Variants in PPP6R3 observed in about 807,000 individuals in gnomAD.
PPP6R3 encodes the protein serine/threonine-protein phosphatase 6 regulatory subunit 3.
A neutral mutation model predicts 110.7 loss-of-function variants in PPP6R3; 38 were observed. That is an observed-to-expected ratio of 0.34 (90% CI 0.26 to 0.45). The LOEUF (loss-of-function observed/expected upper bound fraction) is 0.45. PPP6R3 is among the 20% of genes least tolerant of loss of function. The pLI is 1.00. For synonymous variants in PPP6R3, 369 were observed against 373.5 expected (o/e 0.99, Z 0.14); for missense variants, 870 against 1,062.4 (o/e 0.82, Z 2.52).
chr11:68,544,992 C>A lies in PPP6R3; in HGVS notation c.382C>A (p.Leu128Ile). ...ACTTGCCAGTTTCTTCAGCAAGGTGCTAAGTATTCTTATCAGCAGAAAACC... is the reference window on the plus strand; with the variant it reads ...ACTTGCCAGTTTCTTCAGCAAGGTGATAAGTATTCTTATCAGCAGAAAACC... ...PLLASFFSKV[L>I]SILISRKPEQ... is the part of the protein sequence containing the mutation. Residue 128 changes from leucine (L) to isoleucine (I), a missense_variant, in exon 4 of 24, where the codon CTA (leucine) becomes ATA (isoleucine). Leu to Ile is a conservative substitution (Grantham distance 5). Coordinates refer to ENST00000393800, the MANE Select transcript of PPP6R3 (RefSeq NM_001164161.2). 1 of 1,609,096 alleles carries A rather than the reference C, an allele frequency of 6.2e-7. No homozygotes were observed. Among genetic ancestry groups the A allele is most frequent in the Non-Finnish European group, 8.5e-7 (1 of 1,175,646 alleles).
chr11:68,513,412 CT>C (rs2153543130), intron 1 of PPP6R3, among the ~76,000 whole-genome samples: 1 of 152,150 alleles, frequency 6.6e-6, no homozygotes, highest in East Asian at 1.9e-4. Context: ...GTGTATGAGG[CT>C]ACGTAATGGT....
intron 2 of PPP6R3, among the ~76,000 whole-genome samples, chr11:68,528,038 C>T (rs953850990): frequency 6.6e-6 from 1 of 152,182 alleles, no homozygotes; most frequent in East Asian, 1.9e-4. Flanking sequence ...TTCTGTGGAA[C>T]AAGGTTGAAA....
intron 1 of PPP6R3, among the ~76,000 whole-genome samples, chr11:68,473,052 C>G (rs1011978941): frequency 2.0e-5 from 3 of 152,160 alleles, no homozygotes; most frequent in Non-Finnish European, 4.4e-5. Context: ...GGCATAGTTT[C>G]CGGGCATACA....
chr11:68,507,246 ATTTT>A (rs58191278), intron 1 of PPP6R3, among the ~76,000 whole-genome samples: 79 of 114,964 alleles, frequency 6.9e-4, no homozygotes, highest in Middle Eastern at 4.5e-3. Context: ...GTCTTTTTGC[ATTTT>A]TTTTTTTTTT....
chr11:68,575,875 A>G lies in PPP6R3; in HGVS notation c.1460-83A>G. ...ATTGATGAACCAGGTGAGTAGGCCCACTTTTATATTACCTGCTTACTTTAT... is the reference window on the plus strand; with the variant it reads ...ATTGATGAACCAGGTGAGTAGGCCCGCTTTTATATTACCTGCTTACTTTAT... On this transcript the variant is annotated intron_variant, in intron 13 of 23. Coordinates refer to ENST00000393800, the MANE Select transcript of PPP6R3 (RefSeq NM_001164161.2). The G allele has an allele frequency of 3.9e-6, 4 of 1,017,148 alleles. No homozygotes were observed. The South Asian group carries it at 4.6e-5, about 12-fold the overall frequency. 63.0% of individuals were successfully genotyped at this position (1,017,148 alleles called of 1,614,324 possible).
At chr11:68,533,354 T>G (rs11822059) in intron 2 of PPP6R3, among the ~76,000 whole-genome samples, 56,916 of 151,994 alleles carry the variant, frequency 0.37, 11,720 homozygotes, top group African/African-American at 0.54. Flanking sequence ...AACTCACCAT[T>G]AAAATGTATT....
At chr11:68,526,688 G>A (rs925209320) in intron 2 of PPP6R3, among the ~76,000 whole-genome samples, 1 of 151,960 alleles carries the variant, frequency 6.6e-6, no homozygotes, top group Admixed American at 6.6e-5. Flanking sequence ...GCAAAAACTC[G>A]ACTACCATTG....
intron 23 of PPP6R3, among the ~76,000 whole-genome samples, chr11:68,611,134 C>T (rs1045484248): frequency 1.6e-4 from 24 of 152,204 alleles, no homozygotes; most frequent in Non-Finnish European, 2.6e-4. Flanking sequence ...GAAGCTGCCT[C>T]AACTCTGCTT....
intron 1 of PPP6R3, among the ~76,000 whole-genome samples, chr11:68,493,967 G>A (rs144036128): frequency 0.014 from 2,062 of 151,660 alleles, 57 homozygotes; most frequent in African/African-American, 0.047. Context: ...GCTGGGCGTG[G>A]TGGCGGGAGC....
At chr11:68,567,241 T>C in intron 10 of PPP6R3, 75 bp downstream of exon 10, 1 of 1,367,842 alleles carries the variant, frequency 7.3e-7, no homozygotes, top group Non-Finnish European at 9.7e-7. Flanking sequence ...GTTACAACCT[T>C]ACAAATTTAC....
At chr11:68,488,180 CT>C (rs2153422554) in intron 1 of PPP6R3, among the ~76,000 whole-genome samples, 1 of 152,270 alleles carries the variant, frequency 6.6e-6, no homozygotes, top group Non-Finnish European at 1.5e-5. Flanking sequence ...TACAGCTACT[CT>C]TGTTAACTTT....
At chr11:68,588,121 G>C (rs549554495) in intron 16 of PPP6R3, 97 bp downstream of exon 16, 6 of 1,066,448 alleles carry the variant, frequency 5.6e-6, no homozygotes, top group Non-Finnish European at 8.7e-6. Context: ...TTGAGCATTC[G>C]TGAGTGGGAG....
chr11:68,594,787 G>C (rs2099608401), intron 18 of PPP6R3, among the ~76,000 whole-genome samples: 1 of 152,132 alleles, frequency 6.6e-6, no homozygotes, highest in South Asian at 2.1e-4. Flanking sequence ...AACTCTTATA[G>C]AGAACAACAA....
chr11:68,595,144 T>C (rs1161115357), intron 18 of PPP6R3, among the ~76,000 whole-genome samples: 1 of 151,686 alleles, frequency 6.6e-6, no homozygotes, highest in Non-Finnish European at 1.5e-5. Flanking sequence ...CATTGTGACC[T>C]TGAGTTAGAC....
intron 1 of PPP6R3, among the ~76,000 whole-genome samples, chr11:68,497,494 A>G (rs1340484633): frequency 6.6e-6 from 1 of 152,114 alleles, no homozygotes; most frequent in Non-Finnish European, 1.5e-5. Context: ...CTGGGACTAC[A>G]GACGTATGCT....
At position 68,607,607 on chromosome 11, in the gene PPP6R3, A is replaced by T. The variant is rs79040225; in HGVS notation, c.2451-2297A>T. ...GAAACTGAGGCACTAGAGTTAAGTGATGAGGCCGGAGGCCAGAGTCTCATG... is the reference window on the plus strand; with the variant it reads ...GAAACTGAGGCACTAGAGTTAAGTGTTGAGGCCGGAGGCCAGAGTCTCATG... On this transcript the variant is annotated intron_variant, in intron 22 of 23. Coordinates refer to ENST00000393800, the MANE Select transcript of PPP6R3 (RefSeq NM_001164161.2). 2.5e-3 allele frequency among the ~76,000 whole-genome samples: 375 copies of T among 152,360 alleles called. 1 individual carries two copies. Among genetic ancestry groups the T allele is most frequent in the Non-Finnish European group, 4.1e-3 (277 of 68,038 alleles).
intron 1 of PPP6R3, among the ~76,000 whole-genome samples, chr11:68,512,326 C>T (rs1213259475): frequency 6.6e-6 from 1 of 152,166 alleles, no homozygotes; most frequent in Non-Finnish European, 1.5e-5. Context: ...ACCATCTCTT[C>T]TCACATGTGG....
intron 9 of PPP6R3, among the ~76,000 whole-genome samples, chr11:68,564,639 C>T (rs1412128977): frequency 6.6e-6 from 1 of 152,176 alleles, no homozygotes; most frequent in African/African-American, 2.4e-5. Flanking sequence ...GGAAGTTTAC[C>T]TTTTCATTCT....
intron 22 of PPP6R3, 163 bp from the exon 23 acceptor site, chr11:68,609,739 CTG>C (rs1942386224): frequency 6.4e-7 from 1 of 1,554,452 alleles, no homozygotes; most frequent in Admixed American, 1.7e-5. Flanking sequence ...TCCCCAGTCA[CTG>C]TCTGTGGTTG....
Sources: allele counts gnomAD v4.1 joint callset (sites outside exome capture counted in the v4.1 genomes callset), GRCh38; gene constraint gnomAD v4.1.1; transcripts MANE v1.5; gene names NCBI Gene and HGNC (gene_info 2026-07-23, HGNC 2026-07-21).